Variants in PDE1C observed in about 807,000 individuals in gnomAD.
The protein encoded by PDE1C is phosphodiesterase 1C.
Under a neutral mutation model 93.1 loss-of-function variants are expected in PDE1C, and 62 were observed. The observed-to-expected ratio is 0.67, with a 90% CI of 0.54 to 0.82. The LOEUF is 0.82. Ranked by LOEUF, PDE1C falls within the 40% of genes least tolerant of loss-of-function variation. The probability of loss-of-function intolerance (pLI) is 0.00; values close to 1 mark genes in which losing one functional copy is unlikely to be tolerated. For synonymous variants in PDE1C, 325 were observed against 310.1 expected (o/e 1.05, Z -0.50); for missense variants, 742 against 884.6 (o/e 0.84, Z 2.04).
the PDE1C span, among the ~76,000 whole-genome samples, chr7:31,660,338 G>A: frequency 6.6e-6 from 1 of 152,070 alleles, no homozygotes; most frequent in African/African-American, 2.4e-5. Context: ...CTTTATTTAT[G>A]ATCAAAGGGA....
chr7:32,258,784 T>C (rs983563051), intron 1 of PDE1C, among the ~76,000 whole-genome samples: 1 of 152,202 alleles, frequency 6.6e-6, no homozygotes, highest in African/African-American at 2.4e-5. Flanking sequence ...TCAAGCCAAG[T>C]ATCTTTTACC....
At chr7:32,217,340 G>C (rs1387550726) in intron 1 of PDE1C, among the ~76,000 whole-genome samples, 3 of 152,168 alleles carry the variant, frequency 2.0e-5, no homozygotes, top group African/African-American at 7.2e-5. Context: ...CAAAGCAGTA[G>C]AGTGAGAAAT....
chr7:32,036,114 A>G (rs1367005954), intron 2 of PDE1C, among the ~76,000 whole-genome samples: 6 of 152,160 alleles, frequency 3.9e-5, no homozygotes, highest in African/African-American at 7.2e-5. Flanking sequence ...CCATTCACAA[A>G]TTGTTTACTT....
At chr7:32,213,280 G>A (rs1292713865) in intron 1 of PDE1C, among the ~76,000 whole-genome samples, 1 of 152,068 alleles carries the variant, frequency 6.6e-6, no homozygotes, top group Non-Finnish European at 1.5e-5. Flanking sequence ...TTACTGGGGC[G>A]ATTGGAACAC....
At chr7:31,996,212 C>T (rs6947718) in intron 2 of PDE1C, among the ~76,000 whole-genome samples, 1 of 151,952 alleles carries the variant, frequency 6.6e-6, no homozygotes, top group African/African-American at 2.4e-5. Context: ...GAAGAAACAT[C>T]GTGATTACTC....
At chr7:32,090,569 T>A (rs1797417491) in intron 3 of PDE1C, among the ~76,000 whole-genome samples, 1 of 152,158 alleles carries the variant, frequency 6.6e-6, no homozygotes, top group South Asian at 2.1e-4. Flanking sequence ...AAATCGTTGT[T>A]TTAGGAAAAC....
chr7:32,109,271 A>G (rs969350655), intron 3 of PDE1C, among the ~76,000 whole-genome samples: 1 of 152,244 alleles, frequency 6.6e-6, no homozygotes, highest in Non-Finnish European at 1.5e-5. Flanking sequence ...GTAGAGCCAT[A>G]TGAAGAAAGG....
chr7:32,224,624 T>C (rs1240008921), intron 1 of PDE1C, among the ~76,000 whole-genome samples: 1 of 151,954 alleles, frequency 6.6e-6, no homozygotes, highest in Non-Finnish European at 1.5e-5. Flanking sequence ...GGTCTATTTG[T>C]ATTAAAGAAA....
At chr7:31,637,914 T>C in the PDE1C span, among the ~76,000 whole-genome samples, 3 of 152,168 alleles carry the variant, frequency 2.0e-5, no homozygotes, top group South Asian at 6.2e-4. Context: ...AATTTTTGTA[T>C]AAGGTGTAAG....
chr7:31,930,433 A>G (rs1804034253), intron 2 of PDE1C, among the ~76,000 whole-genome samples: 1 of 152,230 alleles, frequency 6.6e-6, no homozygotes, highest in Non-Finnish European at 1.5e-5. Flanking sequence ...TCCTGATACC[A>G]AAACCTGGCA....
rs1431731495 is a variant in PDE1C, at chr7:31,837,322, AC to A, written c.1083-23del. 2.5e-6 allele frequency: 4 copies of A among 1,594,398 alleles called. No individual in the cohort carries two copies. The Admixed American group carries it at 6.9e-5, about 28-fold the overall frequency. On this transcript the variant is annotated intron_variant, in intron 10 of 17. Coordinates refer to ENST00000396191, the MANE Select transcript of PDE1C (RefSeq NM_001191057.4). ...AATGCTGTAAACCAAAAGCACCCAA[AC>A]ACATGATAACCACACTCTTCAGAAC...
At chr7:31,780,803 T>TTGTGTGTG (rs55970947) in intron 16 of PDE1C, among the ~76,000 whole-genome samples, 43 of 149,726 alleles carry the variant, frequency 2.9e-4, no homozygotes, top group African/African-American at 9.8e-4. Context: ...ACGTGTGCAT[T>TTGTGTGTG]TGTGTGTGTG....
intron 1 of PDE1C, among the ~76,000 whole-genome samples, chr7:32,347,835 G>A (rs140603415): frequency 2.6e-5 from 4 of 152,334 alleles, no homozygotes; most frequent in Non-Finnish European, 5.9e-5. Flanking sequence ...ATGCAGTCCA[G>A]CCAATGCTTT....
At chr7:31,865,228 C>A in intron 6 of PDE1C, 146 bp from the exon 7 acceptor site, 1 of 689,664 alleles carries the variant, frequency 1.4e-6, no homozygotes, top group Non-Finnish European at 2.4e-6. Context: ...AAATTACTGA[C>A]AAAATTATCA....
At chr7:32,140,126 GC>G (rs1214214250) in intron 3 of PDE1C, among the ~76,000 whole-genome samples, 1 of 152,158 alleles carries the variant, frequency 6.6e-6, no homozygotes, top group African/African-American at 2.4e-5. Context: ...TGATGCAGTT[GC>G]CATCTATTAA....
intron 2 of PDE1C, among the ~76,000 whole-genome samples, chr7:31,896,581 G>GA (rs796349693): frequency 3.3e-5 from 5 of 152,056 alleles, no homozygotes; most frequent in Admixed American, 2.6e-4. Flanking sequence ...ATAAGAATAG[G>GA]AAAAAAAGAC....
chr7:31,963,331 T>A (rs1809325571), intron 2 of PDE1C, among the ~76,000 whole-genome samples: 1 of 152,216 alleles, frequency 6.6e-6, no homozygotes, highest in Non-Finnish European at 1.5e-5. Flanking sequence ...AGCAAATATC[T>A]GCTTGTTTGT....
chr7:32,081,433 C>G (rs60447849), intron 3 of PDE1C, among the ~76,000 whole-genome samples: 2 of 152,132 alleles, frequency 1.3e-5, no homozygotes, highest in Non-Finnish European at 2.9e-5. Flanking sequence ...CCATTCTCAC[C>G]CATTCATATA....
intron 1 of PDE1C, among the ~76,000 whole-genome samples, chr7:32,426,923 T>C (rs1313562271): frequency 6.6e-6 from 1 of 152,082 alleles, no homozygotes; most frequent in Non-Finnish European, 1.5e-5. Context: ...TTGCTTGGGG[T>C]GAAGTGAGGA....
Sources: allele counts gnomAD v4.1 joint callset (sites outside exome capture counted in the v4.1 genomes callset), GRCh38; gene constraint gnomAD v4.1.1; transcripts MANE v1.5; gene names NCBI Gene and HGNC (gene_info 2026-07-23, HGNC 2026-07-21).